The following CFAP92 variants were observed in gnomAD, a reference collection of about 807,000 sequenced individuals.
The protein encoded by CFAP92 is uncharacterized protein CFAP92.
In CFAP92, 86 loss-of-function variants were observed where a neutral mutation model predicts 106.3. The ratio of observed to expected loss-of-function variants is 0.81; its 90% CI spans 0.68 to 0.97. The LOEUF is 0.97. CFAP92 is among the 50% of genes least tolerant of loss of function. The pLI is 0.00. For missense variants in CFAP92, 1,204 were observed against 1,283.8 expected (o/e 0.94, Z 0.95); for synonymous variants, 477 against 506.4 (o/e 0.94, Z 0.78).
intron 12 of CFAP92, among the ~76,000 whole-genome samples, chr3:128,930,487 G>A (rs568948869): frequency 1.3e-5 from 2 of 149,512 alleles, no homozygotes; most frequent in South Asian, 2.1e-4. Context: ...ATGGCCAGGC[G>A]TGGTCACCTG....
chr3:129,002,239 A>C (rs1473686808), intron 1 of CFAP92: 1 of 1,529,440 alleles, frequency 6.5e-7, no homozygotes, highest in East Asian at 2.5e-5. Flanking sequence ...GCGCGGCTGG[A>C]GGAGGAGAAT....
upstream of CFAP92, among the ~76,000 whole-genome samples, chr3:128,997,368 A>G (rs1944520247): frequency 6.6e-6 from 1 of 152,186 alleles, no homozygotes; most frequent in South Asian, 2.1e-4. Flanking sequence ...GAATTCAATG[A>G]TTTTCAGTAA....
intron 9 of CFAP92, among the ~76,000 whole-genome samples, chr3:128,954,533 G>A (rs1415991200): frequency 2.1e-5 from 1 of 47,522 alleles, no homozygotes; most frequent in Non-Finnish European, 3.6e-5. Flanking sequence ...TCAGCCCCCC[G>A]CCCGGCCAGC....
At chr3:129,004,188 C>T, upstream of CFAP92, 3 of 1,252,484 alleles carry the variant, frequency 2.4e-6, no homozygotes, top group Non-Finnish European at 3.1e-6. Context: ...GCAGTTTCTC[C>T]ATGCGTTTAT....
intron 10 of CFAP92, among the ~76,000 whole-genome samples, chr3:128,943,031 T>C (rs1939815263): frequency 6.7e-6 from 1 of 148,350 alleles, no homozygotes; most frequent in Non-Finnish European, 1.5e-5. Context: ...GCGATTCTCC[T>C]GCCTCAGCCT....
At chr3:128,979,581 T>C (rs1386137877) in intron 4 of CFAP92, among the ~76,000 whole-genome samples, 2 of 151,924 alleles carry the variant, frequency 1.3e-5, no homozygotes, top group African/African-American at 4.8e-5. Flanking sequence ...ATTAAGAAAA[T>C]GTGGCACATA....
chr3:128,912,411 G>A, intron 15 of CFAP92: 14 of 1,069,572 alleles, frequency 1.3e-5, no homozygotes, highest in Non-Finnish European at 1.7e-5. Context: ...TTCATGGTGG[G>A]TGGGCTGACT....
intron 12 of CFAP92, among the ~76,000 whole-genome samples, chr3:128,923,277 G>A (rs760328789): frequency 5.9e-5 from 9 of 152,324 alleles, no homozygotes; most frequent in East Asian, 3.9e-4. Flanking sequence ...ATCTGAATGC[G>A]AAGATGGAAT....
Position 128,988,873 on chromosome 3 carries a change from T to C in CFAP92, c.308A>G (p.His103Arg). 1 of 1,613,452 alleles carries C rather than the reference T, an allele frequency of 6.2e-7. No individual in the cohort carries two copies. The highest frequency in any genetic ancestry group is 8.5e-7 in the Non-Finnish European group (1 of 1,179,612). The change falls in exon 3 of 16, where the codon CAC becomes CGC. Residue 103 changes from histidine to arginine, a missense_variant. His to Arg is a conservative substitution (Grantham distance 29). Transcript: ENST00000645291. ...YASLIEKYKK[H>R]PKTDSSVTKM... is the part of the protein sequence containing the mutation. ...TGTAACAGAACTGTCTGTTTTAGGG[T>C]GTTTCTTATATTTTTCAATCAAACT...
chr3:128,910,640 C>T, intron 15 of CFAP92: 2 of 1,299,828 alleles, frequency 1.5e-6, no homozygotes, highest in Non-Finnish European at 1.1e-6. Context: ...CCTTGTGACC[C>T]CTGCCATGCT....
chr3:128,983,587 G>A (rs1015946683), intron 4 of CFAP92, among the ~76,000 whole-genome samples: 4 of 152,214 alleles, frequency 2.6e-5, no homozygotes, highest in African/African-American at 9.7e-5. Flanking sequence ...ATGAATGGAG[G>A]AAGTGAATTG....
intron 9 of CFAP92, among the ~76,000 whole-genome samples, chr3:128,963,146 TA>T (rs1458643761): frequency 1.3e-5 from 2 of 152,180 alleles, no homozygotes; most frequent in Admixed American, 6.5e-5. Context: ...ATAATTCTCA[TA>T]AAAACACATG....
chr3:129,016,329 C>T, the CFAP92 span, among the ~76,000 whole-genome samples: 4 of 152,264 alleles, frequency 2.6e-5, no homozygotes, highest in South Asian at 4.1e-4. Flanking sequence ...AGAGAAGTTC[C>T]ACCTGTGGAC....
chr3:128,996,825 G>T (rs558852299), upstream of CFAP92, among the ~76,000 whole-genome samples: 1 of 152,292 alleles, frequency 6.6e-6, no homozygotes, highest in Admixed American at 6.5e-5. Flanking sequence ...CTGGCTCTTC[G>T]TGGGCCCGCT....
chr3:129,001,041 G>A (rs968027673), intron 1 of CFAP92, among the ~76,000 whole-genome samples: 1 of 152,252 alleles, frequency 6.6e-6, no homozygotes, highest in Non-Finnish European at 1.5e-5. Context: ...AGGCTTTTCC[G>A]CACCTACGGC....
chr3:128,934,831 C>T (rs887592092), intron 11 of CFAP92, among the ~76,000 whole-genome samples: 1 of 152,152 alleles, frequency 6.6e-6, no homozygotes, highest in Non-Finnish European at 1.5e-5. Context: ...GTGCCCAGCC[C>T]ACACCTGGCT....
At chr3:129,015,735 CA>C in the CFAP92 span, among the ~76,000 whole-genome samples, 38 of 152,010 alleles carry the variant, frequency 2.5e-4, no homozygotes, top group Non-Finnish European at 4.1e-4. Context: ...ACTGTCCCCC[CA>C]CCCCTTGTGA....
intron 15 of CFAP92, chr3:128,913,068 G>A (rs760510400): frequency 3.1e-5 from 14 of 454,406 alleles, no homozygotes; most frequent in Admixed American, 1.4e-4. Context: ...CATGTACCAG[G>A]AACCATTTAA....
chr3:129,005,076 C>A (rs546593621), upstream of CFAP92, among the ~76,000 whole-genome samples: 2 of 152,354 alleles, frequency 1.3e-5, no homozygotes, highest in South Asian at 2.1e-4. Context: ...TGCTGGCCGG[C>A]CTGACTACAC....
Sources: allele counts gnomAD v4.1 joint callset (sites outside exome capture counted in the v4.1 genomes callset), GRCh38; gene constraint gnomAD v4.1.1; transcripts MANE v1.5; gene names NCBI Gene and HGNC (gene_info 2026-07-23, HGNC 2026-07-21).